RPS6KB1: variants seen among roughly 807,000 people sequenced by gnomAD.
RPS6KB1 encodes the protein ribosomal protein S6 kinase B1.
In RPS6KB1, 12 loss-of-function variants were observed where a neutral mutation model predicts 70.2. The observed-to-expected ratio is 0.17, with a 90% CI of 0.11 to 0.28. RPS6KB1 has a LOEUF of 0.28. Among genes scored for constraint, RPS6KB1 ranks in the 10% least tolerant of loss-of-function variants. The pLI is 1.00. For missense variants in RPS6KB1, 270 were observed against 646.6 expected (o/e 0.42, Z 6.32); for synonymous variants, 175 against 211.2 (o/e 0.83, Z 1.49).
rs543007306 is a variant in RPS6KB1, at chr17:59,931,807, A to G, written c.688+85A>G. The G allele has an allele frequency of 2.2e-4, 176 of 806,150 alleles. 1 individual carries two copies. The South Asian group carries it at 2.7e-3, about 12-fold the overall frequency. The allele number at this position is 806,150 out of a possible 1,614,324, so 49.9% of individuals were successfully genotyped here. ...GGTCGTGGCCATTTTCAAAGCCCCA[A>G]ATTCATCTCTCTATTTTGTATATTT... On this transcript the variant is annotated intron_variant, in intron 7 of 14. Coordinates refer to ENST00000225577, the MANE Select transcript of RPS6KB1 (RefSeq NM_003161.4).
intron 2 of RPS6KB1, among the ~76,000 whole-genome samples, chr17:59,911,834 G>T (rs2042661609): frequency 6.6e-6 from 1 of 152,008 alleles, no homozygotes; most frequent in Admixed American, 6.6e-5. Flanking sequence ...GACCTCAAGT[G>T]ATCCGCCCAC....
Position 59,934,083 on chromosome 17 carries a change from G to A in RPS6KB1, c.689-87G>A, listed in dbSNP as rs2144983582. 2 of 886,596 alleles carry A rather than the reference G, an allele frequency of 2.3e-6. No homozygotes were observed. Among genetic ancestry groups the A allele is most frequent in the South Asian group, 2.9e-5 (2 of 68,292 alleles). The allele number at this position is 886,596 out of a possible 1,614,324, so 54.9% of individuals were successfully genotyped here. ...TTGAGGCAAGAAAAGTTAAATGGAA[G>A]GATAGATTAAAGTATTATGTGACAT... On this transcript the variant is annotated intron_variant, in intron 7 of 14. Coordinates refer to ENST00000225577, the MANE Select transcript of RPS6KB1 (RefSeq NM_003161.4). This position sits in a 1 kb window ranked among gnomAD's most constrained non-coding sequence, Gnocchi z 4.8.
intron 4 of RPS6KB1, among the ~76,000 whole-genome samples, chr17:59,920,961 G>T (rs1040278790): frequency 6.6e-6 from 1 of 152,296 alleles, no homozygotes; most frequent in South Asian, 2.1e-4. Context: ...GCCCCCTAAA[G>T]TGCTGGAATT....
At chr17:59,942,679 C>T (rs2044680930) in intron 13 of RPS6KB1, among the ~76,000 whole-genome samples, 2 of 152,134 alleles carry the variant, frequency 1.3e-5, no homozygotes, top group African/African-American at 4.8e-5. Context: ...CTATGTAATA[C>T]AAGTAGTGTT....
intron 1 of RPS6KB1, among the ~76,000 whole-genome samples, chr17:59,900,554 C>T (rs1568378853): frequency 6.6e-6 from 1 of 151,772 alleles, no homozygotes; most frequent in East Asian, 2.0e-4. Flanking sequence ...TTAGTAGAGG[C>T]GGGGTTTCTC....
At chr17:59,937,061 C>T (rs1213266892) in intron 12 of RPS6KB1, among the ~76,000 whole-genome samples, 1 of 152,098 alleles carries the variant, frequency 6.6e-6, no homozygotes, top group Non-Finnish European at 1.5e-5. Flanking sequence ...AGGGTTTTGC[C>T]ATGTCACCCA....
At position 59,948,686 on chromosome 17, in the gene RPS6KB1, CCT is replaced by C. The variant is rs1307920245; in HGVS notation, c.*1900_*1901del. ...AAAAAAAAAATCACTCCCTCTTCCC[CCT>C]CCTCCCTTATTGCAGCAGCCTACTG... On this transcript the variant is annotated 3_prime_UTR_variant, in exon 15 of 15. Coordinates refer to ENST00000225577, the MANE Select transcript of RPS6KB1 (RefSeq NM_003161.4). The C allele has an allele frequency of 2.0e-5, 3 of 152,302 alleles. No individual in the cohort carries two copies. Among genetic ancestry groups the C allele is most frequent in the African/African-American group, 7.2e-5 (3 of 41,440 alleles). 9.4% of individuals were successfully genotyped at this position (152,302 alleles called of 1,614,324 possible).
rs753992867 is a variant in RPS6KB1, at chr17:59,946,800, T to A, written c.*12T>A. On this transcript the variant is annotated 3_prime_UTR_variant, in exon 15 of 15. Transcript: ENST00000225577. This position sits in a 1 kb window ranked among gnomAD's most constrained non-coding sequence, Gnocchi z 4.2. ...GTATGAATCTATGACAGAGCAATGC[T>A]TTTAATGAATTTAAGGCAAAAAAGG... 1 of 1,612,480 alleles carries A rather than the reference T, an allele frequency of 6.2e-7. No homozygotes were observed. Among genetic ancestry groups the A allele is most frequent in the South Asian group, 1.1e-5 (1 of 91,072 alleles).
Position 59,926,428 on chromosome 17 carries a change from C to T in RPS6KB1, c.382-7C>T, listed in dbSNP as rs1447697864. 1.3e-6 allele frequency: 2 copies of T among 1,580,218 alleles called. No individual in the cohort carries two copies. The highest frequency in any genetic ancestry group is 1.7e-6 in the Non-Finnish European group (2 of 1,156,346). ...TTTGTTCTTATAGATGATCTCTTTTCCTTTAGGCAATGATAGTAAGAAATG... is the reference window on the plus strand; with the variant it reads ...TTTGTTCTTATAGATGATCTCTTTTTCTTTAGGCAATGATAGTAAGAAATG... On this transcript the variant is annotated splice_polypyrimidine_tract_variant and splice_region_variant and intron_variant, in intron 4 of 14. Coordinates refer to ENST00000225577, the MANE Select transcript of RPS6KB1 (RefSeq NM_003161.4).
At chr17:59,917,997 A>T (rs2043054958) in intron 4 of RPS6KB1, among the ~76,000 whole-genome samples, 1 of 151,886 alleles carries the variant, frequency 6.6e-6, no homozygotes, top group Admixed American at 6.6e-5. Flanking sequence ...GCAATGGCGC[A>T]ATCTTGGCTC....
In RPS6KB1 at chr17:59,906,819, G is replaced by A. The variant is rs374401662; in HGVS notation, c.142-3743G>A. The stretch of plus-strand genomic sequence containing the variant: ...AGCAATTCTCCTGCCTCAACTTCCC[G>A]AGTAGCTGAGATTACAGGCGCCCTC... On this transcript the variant is annotated intron_variant, in intron 1 of 14. Transcript: ENST00000225577. Among the ~76,000 whole-genome samples, 8 of 151,584 alleles carry A rather than the reference G, an allele frequency of 5.3e-5. No homozygotes were observed. In the East Asian group the frequency reaches 7.8e-4, roughly 15 times the overall value.
At chr17:59,944,949 C>T (rs1232891300) in intron 13 of RPS6KB1, among the ~76,000 whole-genome samples, 1 of 151,922 alleles carries the variant, frequency 6.6e-6, no homozygotes, top group African/African-American at 2.4e-5. Flanking sequence ...CAGGCGTGCA[C>T]CACCATGCAT....
intron 4 of RPS6KB1, among the ~76,000 whole-genome samples, chr17:59,921,820 C>T (rs1227243910): frequency 2.0e-5 from 3 of 152,166 alleles, no homozygotes; most frequent in Admixed American, 1.3e-4. Flanking sequence ...AACCTTTGGC[C>T]AAAGGTGTTC....
At chr17:59,894,071 A>G (rs2041341923) in intron 1 of RPS6KB1, 3 of 595,978 alleles carry the variant, frequency 5.0e-6, no homozygotes, top group Non-Finnish European at 4.2e-6. Flanking sequence ...TTTGAGGTGG[A>G]AAAAAAAACC....
At chr17:59,941,145 T>G (rs1188355982) in intron 13 of RPS6KB1, among the ~76,000 whole-genome samples, 2 of 151,946 alleles carry the variant, frequency 1.3e-5, no homozygotes, top group Non-Finnish European at 2.9e-5. Flanking sequence ...TTTTAGCAAT[T>G]AGAGTGGGAA....
chr17:59,948,344 A>G lies in RPS6KB1; in HGVS notation c.*1556A>G, dbSNP rs1302974010. The G allele has an allele frequency of 6.6e-6, 1 of 152,512 alleles. No homozygotes were observed. Among genetic ancestry groups the G allele is most frequent in the Non-Finnish European group, 1.5e-5 (1 of 67,996 alleles). 9.4% of individuals were successfully genotyped at this position (152,512 alleles called of 1,614,324 possible). A position where few individuals can be genotyped will look rare whatever the true frequency, so the allele number is the denominator to read the frequency against. On this transcript the variant is annotated 3_prime_UTR_variant, in exon 15 of 15. Coordinates refer to ENST00000225577, the MANE Select transcript of RPS6KB1 (RefSeq NM_003161.4). ...TCACCTTTTTTGTTTGTCTTTTATA[A>G]TGTCTTCAGTCTGAGTGTGCAAAGT...
intron 6 of RPS6KB1, 55 bp from the exon 7 acceptor site, chr17:59,931,567 C>G: frequency 7.0e-7 from 1 of 1,426,932 alleles, no homozygotes; most frequent in South Asian, 1.2e-5. Flanking sequence ...CATACGTAAA[C>G]TGCTTTGGAT....
intron 1 of RPS6KB1, among the ~76,000 whole-genome samples, chr17:59,906,729 C>T (rs2042286201): frequency 1.3e-5 from 2 of 152,118 alleles, no homozygotes. Flanking sequence ...GAGTCTCGCT[C>T]TGTCACCTGG....
intron 5 of RPS6KB1, among the ~76,000 whole-genome samples, chr17:59,927,251 T>C (rs1401720871): frequency 6.6e-6 from 1 of 151,766 alleles, no homozygotes; most frequent in African/African-American, 2.4e-5. Context: ...GCCTGGCTAA[T>C]TTTTGTATTT....
Sources: gnomAD v4.1 joint callset for allele counts (sites outside exome capture counted in the v4.1 genomes callset) on GRCh38, gnomAD v4.1.1 for gene constraint, Gnocchi (gnomAD v3.1) non-coding constraint, MANE v1.5 for transcripts, NCBI Gene and HGNC (gene_info 2026-07-23, HGNC 2026-07-21) for gene names.